The following NUP210 variants were observed in gnomAD, a reference collection of about 807,000 sequenced individuals.
NUP210 encodes the protein nucleoporin 210.
NUP210 carries 151 observed loss-of-function variants against 196.0 expected under a neutral mutation model. The ratio of observed to expected loss-of-function variants is 0.77; its 90% CI spans 0.67 to 0.88. The LOEUF (loss-of-function observed/expected upper bound fraction) is 0.88, where lower values mean the gene tolerates loss of function less well. Ranked by LOEUF, NUP210 falls within the 40% of genes least tolerant of loss-of-function variation. NUP210 has a pLI of 0.00. For synonymous variants in NUP210, 1,070 were observed against 1,052.7 expected (o/e 1.02, Z -0.32); for missense variants, 2,314 against 2,493.7 (o/e 0.93, Z 1.53).
intron 39 of NUP210, among the ~76,000 whole-genome samples, chr3:13,318,299 C>T (rs561254841): frequency 3.9e-5 from 6 of 152,326 alleles, no homozygotes; most frequent in South Asian, 2.1e-4. Flanking sequence ...GCCGAGCACC[C>T]GTGGCCTCCC....
At chr3:13,415,179 G>C (rs1443353071) in intron 1 of NUP210, among the ~76,000 whole-genome samples, 2 of 152,238 alleles carry the variant, frequency 1.3e-5, no homozygotes, top group African/African-American at 2.4e-5. Flanking sequence ...AGTGTGCCGA[G>C]ATCGTGCCAC....
At position 13,377,478 on chromosome 3, in the gene NUP210, C is replaced by T. The variant is rs781042779; in HGVS notation, c.1130G>A (p.Ser377Asn). 2 of 1,613,430 alleles carry T rather than the reference C, an allele frequency of 1.2e-6. No homozygotes were observed. The highest frequency in any genetic ancestry group is 2.2e-5 in the South Asian group (2 of 91,060). ...CACGTCAGATACATAGACCTTGTTG[C>T]TGAACTTGTCAAAAACTTCGATGGT... ...EITIEVFDKF[S>N]NKVYVSDNIR... The change falls in exon 9 of 40, where the codon AGC becomes AAC. Residue 377 changes from serine to asparagine, a missense_variant. Coordinates refer to ENST00000254508, the MANE Select transcript of NUP210 (RefSeq NM_024923.4).
rs114480627 is a variant in NUP210, at chr3:13,392,669, C to T, written c.437-1362G>A. On this transcript the variant is annotated intron_variant, in intron 3 of 39. Transcript: ENST00000254508. ...CATACCCCAGGGATGAGGAGCTCAT[C>T]GCCCAGCACAGCCTATTCCTCTGTT... 8.7e-3 allele frequency among the ~76,000 whole-genome samples: 1,323 copies of T among 152,334 alleles called. 11 individuals are homozygous for T. Among genetic ancestry groups the T allele is most frequent in the Middle Eastern group, 0.031 (9 of 294 alleles).
intron 13 of NUP210, among the ~76,000 whole-genome samples, chr3:13,369,539 T>C (rs754061019): frequency 6.6e-6 from 1 of 152,226 alleles, no homozygotes; most frequent in Non-Finnish European, 1.5e-5. Context: ...AGAAGTTTTA[T>C]AGTTTTCAAT....
At chr3:13,389,038 G>A (rs933000974) in intron 4 of NUP210, among the ~76,000 whole-genome samples, 2 of 152,204 alleles carry the variant, frequency 1.3e-5, no homozygotes, top group Admixed American at 6.5e-5. Context: ...CTGGGCAGGC[G>A]GACTTCAGGG....
At chr3:13,389,076 G>C (rs1298300252) in intron 4 of NUP210, among the ~76,000 whole-genome samples, 1 of 152,326 alleles carries the variant, frequency 6.6e-6, no homozygotes, top group African/African-American at 2.4e-5. Flanking sequence ...TCCCACTTCA[G>C]CCTGCATTTA....
chr3:13,338,337 G>A (rs561847792), intron 25 of NUP210, among the ~76,000 whole-genome samples: 6 of 152,336 alleles, frequency 3.9e-5, no homozygotes, highest in African/African-American at 1.4e-4. Context: ...CAGGAGCCCT[G>A]TAGAGTCTGA....
At chr3:13,335,698 C>G in intron 27 of NUP210, 86 bp from the exon 28 acceptor site, 1 of 1,399,830 alleles carries the variant, frequency 7.1e-7, no homozygotes, top group Non-Finnish European at 9.9e-7. Flanking sequence ...AGCCCCAGAC[C>G]CCCCAGCCCC....
intron 20 of NUP210, among the ~76,000 whole-genome samples, chr3:13,345,656 T>A (rs1697693289): frequency 6.6e-6 from 1 of 152,202 alleles, no homozygotes; most frequent in Non-Finnish European, 1.5e-5. Context: ...TTACAGTAGA[T>A]GAATAAAGAT....
intron 6 of NUP210, among the ~76,000 whole-genome samples, chr3:13,383,816 C>T (rs1303542363): frequency 6.6e-5 from 10 of 151,734 alleles, no homozygotes; most frequent in Non-Finnish European, 1.5e-4. Context: ...TGTGAGCCAC[C>T]GTGCCTGGCC....
At chr3:13,377,667 G>GAAGCCCCACTCCACCCACCTGC (rs1360227555) in intron 8 of NUP210, 105 bp from the exon 9 acceptor site, 1 of 788,064 alleles carries the variant, frequency 1.3e-6, no homozygotes, top group East Asian at 2.6e-5. Flanking sequence ...ATCCACACGA[G>GAAGCCCCACTCCACCCACCTGC]AAGCCCCACT....
intron 5 of NUP210, among the ~76,000 whole-genome samples, chr3:13,386,836 T>C (rs938792972): frequency 3.3e-5 from 5 of 152,164 alleles, no homozygotes; most frequent in African/African-American, 1.2e-4. Context: ...TGATGAGCCT[T>C]GGCTGCTATT....
rs1576341689 is a variant in NUP210, at chr3:13,323,911, T to C, written c.4645-479A>G. 6.6e-6 allele frequency among the ~76,000 whole-genome samples: 1 copy of C among 152,068 alleles called. No individual in the cohort carries two copies. Among genetic ancestry groups the C allele is most frequent in the Admixed American group, 6.6e-5 (1 of 15,264 alleles). On this transcript the variant is annotated intron_variant, in intron 33 of 39. Transcript: ENST00000254508. This position sits in a 1 kb window ranked among gnomAD's most constrained non-coding sequence, Gnocchi z 4.3. ...TTGGCTAGGACACCCTCCCATCTTC[T>C]CTGCAGAGCCCAGCCTCATCCACCC...
rs767138359 is a variant in NUP210, at chr3:13,399,894, G to A, written c.168-33C>T. 11 of 1,576,978 alleles carry A rather than the reference G, an allele frequency of 7.0e-6. No homozygotes were observed. The South Asian group carries it at 1.1e-4, about 16-fold the overall frequency. ...GGAAGAAGACAGCATTTACTCTCTG[G>A]AGCTGCACTGCAAGGCACAGTGGGG... On this transcript the variant is annotated intron_variant, in intron 1 of 39. Coordinates refer to ENST00000254508, the MANE Select transcript of NUP210 (RefSeq NM_024923.4).
At chr3:13,331,222 A>G (rs1237506585) in intron 29 of NUP210, among the ~76,000 whole-genome samples, 6 of 152,188 alleles carry the variant, frequency 3.9e-5, no homozygotes, top group Non-Finnish European at 8.8e-5. Flanking sequence ...GAAAACTGTT[A>G]GCAAACTACT....
intron 13 of NUP210, among the ~76,000 whole-genome samples, chr3:13,368,187 T>C (rs942238192): frequency 1.3e-5 from 2 of 152,176 alleles, no homozygotes; most frequent in Non-Finnish European, 2.9e-5. Context: ...GTGAGTCTCC[T>C]ACCTCAGCCT....
intron 31 of NUP210, among the ~76,000 whole-genome samples, chr3:13,328,225 C>A (rs531077135): frequency 6.6e-6 from 1 of 152,216 alleles, no homozygotes; most frequent in Non-Finnish European, 1.5e-5. Flanking sequence ...GGTTTGCCAG[C>A]GGTCCTCATG....
chr3:13,360,731 A>G (rs1158372550), intron 14 of NUP210, among the ~76,000 whole-genome samples: 1 of 152,226 alleles, frequency 6.6e-6, no homozygotes, highest in Non-Finnish European at 1.5e-5. Flanking sequence ...GAGGGTGTAC[A>G]TGGATTTGCC....
chr3:13,375,138 TTC>T (rs200685687), intron 11 of NUP210, among the ~76,000 whole-genome samples: 1 of 141,108 alleles, frequency 7.1e-6, no homozygotes, highest in South Asian at 2.2e-4. Context: ...ATTCTATTTT[TTC>T]TCTTTTTTTT....
Sources: gnomAD v4.1 joint callset for allele counts (sites outside exome capture counted in the v4.1 genomes callset) on GRCh38, gnomAD v4.1.1 for gene constraint, Gnocchi (gnomAD v3.1) non-coding constraint, MANE v1.5 for transcripts, NCBI Gene and HGNC (gene_info 2026-07-23, HGNC 2026-07-21) for gene names.